Variants in PTPRT observed in about 807,000 individuals in gnomAD.
The protein encoded by PTPRT is receptor-type tyrosine-protein phosphatase T.
A neutral mutation model predicts 176.8 loss-of-function variants in PTPRT; 56 were observed. That is an observed-to-expected ratio of 0.32 (90% CI 0.26 to 0.40). PTPRT has a LOEUF of 0.40. Ranked by LOEUF, PTPRT falls within the 10% of genes least tolerant of loss-of-function variation. PTPRT has a pLI of 1.00. For missense variants in PTPRT, 1,540 were observed against 1,908.2 expected (o/e 0.81, Z 3.60); for synonymous variants, 783 against 739.0 (o/e 1.06, Z -0.96).
intron 9 of PTPRT, among the ~76,000 whole-genome samples, chr20:42,373,658 C>A (rs1019607198): frequency 6.6e-6 from 1 of 152,206 alleles, no homozygotes; most frequent in Admixed American, 6.5e-5. Context: ...GCGTCTCATT[C>A]GCAATGACTT....
At chr20:42,491,891 T>C (rs1350264141) in intron 7 of PTPRT, among the ~76,000 whole-genome samples, 1 of 152,180 alleles carries the variant, frequency 6.6e-6, no homozygotes, top group Admixed American at 6.5e-5. Flanking sequence ...TCTCCATCTA[T>C]AATTTTTTTA....
chr20:42,743,502 T>C (rs1377723285), intron 6 of PTPRT, among the ~76,000 whole-genome samples: 5 of 152,236 alleles, frequency 3.3e-5, no homozygotes, highest in Non-Finnish European at 7.3e-5. Context: ...TTTTATACTA[T>C]TTTAGAAAGG....
Position 42,619,037 on chromosome 20 carries a change from G to A in PTPRT, c.1153+58829C>T, listed in dbSNP as rs185076112. Among the ~76,000 whole-genome samples the A allele has an allele frequency of 1.2e-3, 178 of 151,502 alleles. 1 individual carries two copies. The highest frequency in any genetic ancestry group is 3.7e-3 in the African/African-American group (154 of 41,154). ...GTTGATGCAGTTTCTTCCTAGTCTCGATGGTCTTTACATTTTGGCATGATT... is the reference window on the plus strand; with the variant it reads ...GTTGATGCAGTTTCTTCCTAGTCTCAATGGTCTTTACATTTTGGCATGATT... On this transcript the variant is annotated intron_variant, in intron 7 of 30. Transcript: ENST00000373187.
intron 1 of PTPRT, among the ~76,000 whole-genome samples, chr20:43,071,243 C>T (rs754135388): frequency 7.2e-5 from 11 of 151,760 alleles, no homozygotes; most frequent in South Asian, 2.1e-4. Context: ...CTCAAAATGT[C>T]GTCCCTACAC....
chr20:42,897,733 T>A (rs2079328632), intron 1 of PTPRT, among the ~76,000 whole-genome samples: 1 of 152,170 alleles, frequency 6.6e-6, no homozygotes, highest in South Asian at 2.1e-4. Context: ...TATTTTTTTT[T>A]ACTTAGTTAT....
At chr20:42,401,238 G>A (rs999329501) in intron 9 of PTPRT, among the ~76,000 whole-genome samples, 1 of 152,034 alleles carries the variant, frequency 6.6e-6, no homozygotes, top group African/African-American at 2.4e-5. Flanking sequence ...TGTCTCCGAA[G>A]CTTACTGATT....
chr20:43,103,448 A>G (rs957026985), intron 1 of PTPRT, among the ~76,000 whole-genome samples: 1 of 152,206 alleles, frequency 6.6e-6, no homozygotes, highest in Non-Finnish European at 1.5e-5. Context: ...GACAAATTTT[A>G]GGAAACTTGC....
At chr20:42,242,881 C>A (rs1045448921) in intron 14 of PTPRT, among the ~76,000 whole-genome samples, 1 of 151,640 alleles carries the variant, frequency 6.6e-6, no homozygotes, top group Non-Finnish European at 1.5e-5. Flanking sequence ...TTTGAGAGTA[C>A]GAGCTTTATT....
At chr20:42,485,863 A>C (rs1311633666) in intron 7 of PTPRT, among the ~76,000 whole-genome samples, 1 of 152,170 alleles carries the variant, frequency 6.6e-6, no homozygotes, top group Non-Finnish European at 1.5e-5. Context: ...CTGAAGGAAC[A>C]CTTTCAAATG....
At chr20:42,072,590 T>C (rs1047994994), downstream of PTPRT, among the ~76,000 whole-genome samples, 13 of 152,228 alleles carry the variant, frequency 8.5e-5, no homozygotes, top group African/African-American at 3.1e-4. Flanking sequence ...TTGATGTTTC[T>C]GAGCCTCAAC....
chr20:42,895,818 A>C (rs2145900797), intron 1 of PTPRT, among the ~76,000 whole-genome samples: 1 of 152,298 alleles, frequency 6.6e-6, no homozygotes, highest in East Asian at 1.9e-4. Flanking sequence ...ACCAGTGAAC[A>C]CTCAGATTTG....
chr20:43,142,463 C>T (rs1208739492), intron 1 of PTPRT, among the ~76,000 whole-genome samples: 1 of 152,206 alleles, frequency 6.6e-6, no homozygotes, highest in Non-Finnish European at 1.5e-5. Flanking sequence ...AGAGTGAGTC[C>T]CAGGCATGTC....
chr20:42,271,137 C>G (rs2056927231), intron 13 of PTPRT, among the ~76,000 whole-genome samples: 1 of 152,172 alleles, frequency 6.6e-6, no homozygotes, highest in Non-Finnish European at 1.5e-5. Context: ...TCACTCAGCT[C>G]ACAGGCCCTC....
intron 1 of PTPRT, among the ~76,000 whole-genome samples, chr20:43,002,589 G>T (rs1237563347): frequency 6.6e-6 from 1 of 151,866 alleles, no homozygotes; most frequent in Non-Finnish European, 1.5e-5. Context: ...TTCAAAAGTA[G>T]AACAAAATAA....
At chr20:42,314,860 A>T (rs546194993) in intron 12 of PTPRT, among the ~76,000 whole-genome samples, 1 of 152,230 alleles carries the variant, frequency 6.6e-6, no homozygotes, top group Admixed American at 6.5e-5. Context: ...TCCCTACTCC[A>T]GAAAACAGTA....
At chr20:42,458,194 A>C (rs2070956833) in intron 8 of PTPRT, among the ~76,000 whole-genome samples, 1 of 152,200 alleles carries the variant, frequency 6.6e-6, no homozygotes, top group African/African-American at 2.4e-5. Context: ...TACAGTTGTC[A>C]GTGCAGATAC....
At chr20:42,436,758 C>T (rs958334700) in intron 9 of PTPRT, among the ~76,000 whole-genome samples, 1 of 152,186 alleles carries the variant, frequency 6.6e-6, no homozygotes, top group Non-Finnish European at 1.5e-5. Flanking sequence ...ATAAAGGCAA[C>T]ATTCTGAAAG....
At chr20:42,504,512 T>TTTTAA (rs2071810348) in intron 7 of PTPRT, among the ~76,000 whole-genome samples, 3 of 152,172 alleles carry the variant, frequency 2.0e-5, no homozygotes, top group African/African-American at 7.2e-5. Context: ...AATAAAATAA[T>TTTTAA]TTATCATTTT....
intron 27 of PTPRT, 125 bp downstream of exon 27, chr20:42,098,294 GAC>G (rs2146209991): frequency 7.5e-7 from 1 of 1,329,222 alleles, no homozygotes; most frequent in Non-Finnish European, 1.0e-6. Flanking sequence ...CTCGTGGCCA[GAC>G]ACTGCTTATT....
Sources: allele counts gnomAD v4.1 joint callset (sites outside exome capture counted in the v4.1 genomes callset), GRCh38; gene constraint gnomAD v4.1.1; transcripts MANE v1.5; gene names NCBI Gene and HGNC (gene_info 2026-07-23, HGNC 2026-07-21).